The following PREX1 variants were observed in gnomAD, a reference collection of about 807,000 sequenced individuals.
PREX1 encodes the protein phosphatidylinositol-3,4,5-trisphosphate dependent Rac exchange factor 1.
Under a neutral mutation model 198.3 loss-of-function variants are expected in PREX1, and 41 were observed. The ratio of observed to expected loss-of-function variants is 0.21; its 90% confidence interval spans 0.16 to 0.27. The LOEUF (loss-of-function observed/expected upper bound fraction) is 0.27. Among genes scored for constraint, PREX1 ranks in the 10% least tolerant of loss-of-function variants. The probability of loss-of-function intolerance (pLI) is 1.00; values close to 1 mark genes in which losing one functional copy is unlikely to be tolerated. For missense variants in PREX1, 1,620 were observed against 2,200.7 expected (o/e 0.74, Z 5.28); for synonymous variants, 843 against 887.2 (o/e 0.95, Z 0.89).
chr20:48,875,411 T>C, the PREX1 span, among the ~76,000 whole-genome samples: 1 of 152,256 alleles, frequency 6.6e-6, no homozygotes, highest in East Asian at 1.9e-4. Context: ...TGGCAGACGC[T>C]GGGCTGTGCA....
intron 7 of PREX1, among the ~76,000 whole-genome samples, chr20:48,696,949 C>T (rs1040117632): frequency 1.0e-4 from 15 of 148,672 alleles, no homozygotes; most frequent in African/African-American, 3.8e-4. Context: ...TCCATAATCA[C>T]GAGTCAACTG....
intron 14 of PREX1, among the ~76,000 whole-genome samples, chr20:48,667,846 G>A (rs2089649781): frequency 6.6e-6 from 1 of 152,164 alleles, no homozygotes; most frequent in Non-Finnish European, 1.5e-5. Flanking sequence ...CCAGGCTGAG[G>A]CCAAAGGGAT....
At chr20:48,869,306 GTT>G in the PREX1 span, among the ~76,000 whole-genome samples, 6 of 146,368 alleles carry the variant, frequency 4.1e-5, no homozygotes, top group African/African-American at 1.3e-4. Flanking sequence ...TTGTTGTTTT[GTT>G]TTTTTTTTTA....
chr20:48,657,478 G>A (rs776849435), intron 17 of PREX1, among the ~76,000 whole-genome samples: 16 of 152,198 alleles, frequency 1.1e-4, no homozygotes, highest in Admixed American at 1.3e-4. Context: ...GGGTCACACC[G>A]GGGTGGCCAT....
chr20:48,714,181 G>A (rs937542274), intron 5 of PREX1, among the ~76,000 whole-genome samples: 3 of 152,154 alleles, frequency 2.0e-5, no homozygotes, highest in African/African-American at 7.2e-5. Flanking sequence ...GTTAGGCGAA[G>A]TGCTCTTAGA....
At chr20:48,681,830 T>C (rs1028320556) in intron 10 of PREX1, among the ~76,000 whole-genome samples, 1 of 151,706 alleles carries the variant, frequency 6.6e-6, no homozygotes, top group African/African-American at 2.4e-5. Flanking sequence ...AGTGAGTAGA[T>C]GGGTGGATGG....
chr20:48,715,766 T>C (rs902414731), intron 5 of PREX1, among the ~76,000 whole-genome samples: 16 of 152,232 alleles, frequency 1.1e-4, no homozygotes, highest in Admixed American at 5.9e-4. Flanking sequence ...GTCGTGGTAA[T>C]AGTCCTAATA....
chr20:48,749,845 C>T (rs1381542328), intron 1 of PREX1, among the ~76,000 whole-genome samples: 1 of 152,074 alleles, frequency 6.6e-6, no homozygotes, highest in Non-Finnish European at 1.5e-5. Context: ...AAGGTCATTG[C>T]CAAGGTCTGA....
chr20:48,628,765 G>T (rs1012192380), intron 37 of PREX1, among the ~76,000 whole-genome samples: 1 of 152,216 alleles, frequency 6.6e-6, no homozygotes, highest in Non-Finnish European at 1.5e-5. Context: ...AATGACCTAG[G>T]AGGCAGAGAG....
chr20:48,814,612 C>T (rs1000946715), intron 1 of PREX1, among the ~76,000 whole-genome samples: 9 of 152,156 alleles, frequency 5.9e-5, no homozygotes, highest in African/African-American at 1.7e-4. Flanking sequence ...GAGATGAGGT[C>T]TGCACAGTGA....
At chr20:48,681,460 C>T (rs1166788169) in intron 10 of PREX1, 125 bp from the exon 11 acceptor site, 12 of 876,614 alleles carry the variant, frequency 1.4e-5, no homozygotes, top group East Asian at 2.4e-5. Flanking sequence ...ACAGGGAAGC[C>T]GAGTGTAGTA....
At chr20:48,695,213 A>G (rs757157136) in intron 7 of PREX1, among the ~76,000 whole-genome samples, 6 of 152,108 alleles carry the variant, frequency 3.9e-5, no homozygotes, top group Non-Finnish European at 8.8e-5. Flanking sequence ...GTCTAACCCC[A>G]TAGATTTGCT....
chr20:48,812,397 A>G (rs1476334708), intron 1 of PREX1, among the ~76,000 whole-genome samples: 1 of 151,578 alleles, frequency 6.6e-6, no homozygotes, highest in Non-Finnish European at 1.5e-5. Context: ...AAATAATATA[A>G]GAGGAATGGG....
rs117976781 is a variant in PREX1 at position 48,703,638 on chromosome 20, G to A, written c.784-2752C>T. Among the ~76,000 whole-genome samples, 344 of 152,110 alleles carry A rather than the reference G, an allele frequency of 2.3e-3. 4 individuals are homozygous for A. The East Asian group carries it at 0.044, about 19-fold the overall frequency. ...AGGCTCCAAAGGGGAAGTTGAAGAAGAATCTGGTACCTGGCCCAGCTGCCA... is the reference window on the plus strand; with the variant it reads ...AGGCTCCAAAGGGGAAGTTGAAGAAAAATCTGGTACCTGGCCCAGCTGCCA... On this transcript the variant is annotated intron_variant, in intron 6 of 39. Coordinates refer to ENST00000371941, the MANE Select transcript of PREX1 (RefSeq NM_020820.4).
chr20:48,757,313 G>T (rs927102476), intron 1 of PREX1, among the ~76,000 whole-genome samples: 28 of 152,190 alleles, frequency 1.8e-4, no homozygotes, highest in African/African-American at 6.5e-4. Flanking sequence ...TCCCAGGAGG[G>T]TGGCAGCTTG....
At chr20:48,847,581 A>C in the PREX1 span, among the ~76,000 whole-genome samples, 73 of 152,292 alleles carry the variant, frequency 4.8e-4, 1 homozygote, top group African/African-American at 1.8e-3. Flanking sequence ...CACCATATAG[A>C]GATAAAACAC....
chr20:48,661,526 A>AGTGT (rs1601055588), intron 15 of PREX1, among the ~76,000 whole-genome samples: 1 of 118,844 alleles, frequency 8.4e-6, no homozygotes, highest in East Asian at 2.4e-4. Flanking sequence ...TAATATATAT[A>AGTGT]ATGTGTGTGT....
intron 1 of PREX1, among the ~76,000 whole-genome samples, chr20:48,802,119 A>G (rs2090390055): frequency 6.6e-6 from 1 of 152,064 alleles, no homozygotes; most frequent in Admixed American, 6.6e-5. Context: ...ACAAACTAAG[A>G]CACCCTGCAC....
At chr20:48,831,326 C>T (rs938277543), upstream of PREX1, among the ~76,000 whole-genome samples, 2 of 152,198 alleles carry the variant, frequency 1.3e-5, no homozygotes, top group Admixed American at 6.5e-5. Flanking sequence ...TTAGAAAAGA[C>T]CTGCTTAGTC....
Sources: allele counts gnomAD v4.1 joint callset (sites outside exome capture counted in the v4.1 genomes callset), GRCh38; gene constraint gnomAD v4.1.1; transcripts MANE v1.5; gene names NCBI Gene and HGNC (gene_info 2026-07-23, HGNC 2026-07-21).